The following TADA2B variants were observed in gnomAD, a reference collection of about 807,000 sequenced individuals.
TADA2B encodes the protein transcriptional adapter 2-beta.
A neutral mutation model predicts 34.5 loss-of-function variants in TADA2B; 13 were observed. That is an observed-to-expected ratio of 0.38 (90% confidence interval 0.25 to 0.60). TADA2B has a LOEUF of 0.60. TADA2B is among the 20% of genes least tolerant of loss of function. The probability of loss-of-function intolerance (pLI) is 0.65; values close to 1 mark genes in which losing one functional copy is unlikely to be tolerated. For synonymous variants in TADA2B, 240 were observed against 243.4 expected (o/e 0.99, Z 0.13); for missense variants, 442 against 575.0 (o/e 0.77, Z 2.37).
At chr4:7,048,397 C>T (rs1338404975) in intron 1 of TADA2B, among the ~76,000 whole-genome samples, 1 of 152,098 alleles carries the variant, frequency 6.6e-6, no homozygotes, top group Non-Finnish European at 1.5e-5. Context: ...ACCTGAGTCA[C>T]CCCCACCTCC....
intron 1 of TADA2B, among the ~76,000 whole-genome samples, chr4:7,050,698 C>T (rs1184350586): frequency 1.3e-5 from 2 of 152,224 alleles, no homozygotes; most frequent in Admixed American, 6.5e-5. Context: ...CAAAGGCCTG[C>T]GTTCACTGCA....
Position 7,043,774 on chromosome 4 carries a change from G to C in TADA2B, c.195G>C (p.Glu65Asp). 1.3e-6 allele frequency: 2 copies of C among 1,572,398 alleles called. No individual in the cohort carries two copies. Among genetic ancestry groups the C allele is most frequent in the African/African-American group, 1.4e-5 (1 of 73,320 alleles). Residue 65 changes from glutamate to aspartate, a missense_variant, in exon 1 of 2, where the codon GAG (glutamate) becomes GAC (aspartate). By Grantham distance (45) the Glu-to-Asp change is conservative. This residue lies in a region of TADA2B where 102 missense variants were observed against 177.2 expected (regional missense o/e 0.58). Coordinates refer to ENST00000310074, the MANE Select transcript of TADA2B (RefSeq NM_152293.3). ...DGGRFTLWGP[E>D]AEGGWTSREE... ...GGCGCTTCACGCTCTGGGGGCCCGA[G>C]GCCGAGGGCGGCTGGACCAGTCGCG...
At chr4:7,049,283 T>A (rs1229742649) in intron 1 of TADA2B, among the ~76,000 whole-genome samples, 1 of 152,206 alleles carries the variant, frequency 6.6e-6, no homozygotes, top group East Asian at 1.9e-4. Context: ...CTTGCCATGT[T>A]GTTCAGGCTG....
At chr4:7,051,552 T>C (rs996378170) in intron 1 of TADA2B, among the ~76,000 whole-genome samples, 5 of 152,010 alleles carry the variant, frequency 3.3e-5, no homozygotes, top group Non-Finnish European at 5.9e-5. Context: ...GAGGCTGACC[T>C]AGTGTTGCTA....
At chr4:7,043,945 C>G in intron 1 of TADA2B, 96 bp downstream of exon 1, 1 of 1,342,210 alleles carries the variant, frequency 7.5e-7, no homozygotes, top group Non-Finnish European at 9.6e-7. Flanking sequence ...GACCTGCTCG[C>G]TCGCTCCGCA....
In TADA2B at chr4:7,054,295, G is replaced by A. The variant is rs1280524468; in HGVS notation, c.504G>A (p.Pro168=). Residue 168 remains proline (P), a synonymous_variant, in exon 2 of 2, where the codon CCG becomes CCA. Coordinates refer to ENST00000310074, the MANE Select transcript of TADA2B (RefSeq NM_152293.3). ...AGCAGCAGCAGCTGGGCTACATGCC[G>A]CTGCGGGATGATTACGAGATCGAGT... The part of the protein sequence containing the change: ...VAEQQQLGYM[P]LRDDYEIEYD... 2.7e-5 allele frequency: 44 copies of A among 1,613,078 alleles called. No homozygotes were observed. The highest frequency in any genetic ancestry group is 1.6e-4 in the Middle Eastern group (1 of 6,084).
Position 7,055,118 on chromosome 4 carries a change from G to T in TADA2B, c.*64G>T. The T allele has an allele frequency of 1.4e-6, 2 of 1,476,380 alleles. No individual in the cohort carries two copies. The highest frequency in any genetic ancestry group is 2.7e-5 in the South Asian group (2 of 73,064). 91.5% of individuals were successfully genotyped at this position (1,476,380 alleles called of 1,614,324 possible). A position where few individuals can be genotyped will look rare whatever the true frequency, so the allele number is the denominator to read the frequency against. Reference sequence around the variant, plus strand: ...GTGTGCCAGCCAAAATGACTTGGGGGAGGGGAGCCGCTTCCCCACTGTTGC... The same window carrying T: ...GTGTGCCAGCCAAAATGACTTGGGGTAGGGGAGCCGCTTCCCCACTGTTGC... On this transcript the variant is annotated 3_prime_UTR_variant, in exon 2 of 2. Coordinates refer to ENST00000310074, the MANE Select transcript of TADA2B (RefSeq NM_152293.3).
rs761955767 is a variant in TADA2B at position 7,054,815 on chromosome 4, A to G, written c.1024A>G (p.Ile342Val). Residue 342 changes from isoleucine to valine, a missense_variant, in exon 2 of 2, where the codon ATT becomes GTT. By Grantham distance (29) the Ile-to-Val change is conservative (BLOSUM62 3). Around this residue, in one of 4 missense-constraint regions of TADA2B, gnomAD observed 114 missense variants for 144.7 expected, o/e 0.79. Transcript: ENST00000310074. The stretch of plus-strand genomic sequence containing the variant: ...CGGCAAAGACAGCGAGTTCGCCGCC[A>G]TTGAGAACCTTCCAGGCTTCGAGCT... ...EDGKDSEFAA[I>V]ENLPGFELLS... 2 of 1,613,924 alleles carry G rather than the reference A, an allele frequency of 1.2e-6. No homozygotes were observed. The highest frequency in any genetic ancestry group is 1.7e-6 in the Non-Finnish European group (2 of 1,179,880).
rs528058973 is a variant in TADA2B at position 7,055,086 on chromosome 4, TCAGA to T, written c.*36_*39del. The T allele has an allele frequency of 7.2e-5, 113 of 1,562,742 alleles. No homozygotes were observed. The East Asian group carries it at 8.4e-4, about 12-fold the overall frequency. ...GACGCTTTGAAAGCCAGGGTGATGC[TCAGA>T]CAGTGTGCCAGCCAAAATGACTTGG... On this transcript the variant is annotated 3_prime_UTR_variant, in exon 2 of 2. Transcript: ENST00000310074.
chr4:7,049,840 T>A (rs1167063521), intron 1 of TADA2B, among the ~76,000 whole-genome samples: 1 of 152,200 alleles, frequency 6.6e-6, no homozygotes, highest in Non-Finnish European at 1.5e-5. Context: ...CCGAGGGCTG[T>A]TGGCATCCCA....
Position 7,057,668 on chromosome 4 carries a change from T to A in TADA2B, c.*2614T>A, listed in dbSNP as rs1723925512. 2 of 152,132 alleles carry A rather than the reference T, an allele frequency of 1.3e-5. No homozygotes were observed. Among genetic ancestry groups the A allele is most frequent in the South Asian group, 2.1e-4 (1 of 4,826 alleles). 9.4% of individuals were successfully genotyped at this position (152,132 alleles called of 1,614,324 possible). A position where few individuals can be genotyped will look rare whatever the true frequency, so the allele number is the denominator to read the frequency against. On this transcript the variant is annotated 3_prime_UTR_variant, in exon 2 of 2. Transcript: ENST00000310074. Reference sequence around the variant, plus strand: ...TGGGTGTGGTGGTGCATGCCTGTAGTCCCAGCTACTTGGGAGGCTGAGGTA... The same window carrying A: ...TGGGTGTGGTGGTGCATGCCTGTAGACCCAGCTACTTGGGAGGCTGAGGTA...
In TADA2B at chr4:7,057,178, G is replaced by A. The variant is rs1723911318; in HGVS notation, c.*2124G>A. 2 of 152,284 alleles carry A rather than the reference G, an allele frequency of 1.3e-5. No individual in the cohort carries two copies. The highest frequency in any genetic ancestry group is 2.4e-5 in the African/African-American group (1 of 41,482). 9.4% of individuals were successfully genotyped at this position (152,284 alleles called of 1,614,324 possible). On this transcript the variant is annotated 3_prime_UTR_variant, in exon 2 of 2. Coordinates refer to ENST00000310074, the MANE Select transcript of TADA2B (RefSeq NM_152293.3). ...GAAGAAGCAGAAGATCCCTGTTAAT[G>A]TGTATGGCCCAGGCCAAGAGCTGTC...
intron 1 of TADA2B, among the ~76,000 whole-genome samples, chr4:7,051,747 G>A (rs1369932355): frequency 1.3e-5 from 2 of 152,034 alleles, no homozygotes; most frequent in East Asian, 1.9e-4. Context: ...ACAGGCGCCC[G>A]CCACCACGCC....
rs1409017000 is a variant in TADA2B, at chr4:7,057,748, C to CT, written c.*2695dup. On this transcript the variant is annotated 3_prime_UTR_variant, in exon 2 of 2. Coordinates refer to ENST00000310074, the MANE Select transcript of TADA2B (RefSeq NM_152293.3). ...GTTGCGGTGAGCTGAGATCACGCCA[C>CT]TACACTCCAGCCTGGTGACAGAGCA... is the stretch of plus-strand genomic sequence containing the variant. The CT allele has an allele frequency of 1.3e-5, 2 of 150,874 alleles. No homozygotes were observed. The highest frequency in any genetic ancestry group is 2.9e-5 in the Non-Finnish European group (2 of 67,920). The allele number at this position is 150,874 out of a possible 1,614,324, so 9.3% of individuals were successfully genotyped here. A position where few individuals can be genotyped will look rare whatever the true frequency, so the allele number is the denominator to read the frequency against.
Position 7,054,286 on chromosome 4 carries a change from C to T in TADA2B, c.495C>T (p.Gly165=). 1.2e-6 allele frequency: 2 copies of T among 1,613,106 alleles called. No individual in the cohort carries two copies. The highest frequency in any genetic ancestry group is 8.5e-7 in the Non-Finnish European group (1 of 1,179,766). The change falls in exon 2 of 2, where the codon GGC becomes GGT. Residue 165 remains glycine, a synonymous_variant. Coordinates refer to ENST00000310074, the MANE Select transcript of TADA2B (RefSeq NM_152293.3). The part of the protein sequence containing the change: ...DISVAEQQQL[G]YMPLRDDYEI... ...CTGTGGCTGAGCAGCAGCAGCTGGG[C>T]TACATGCCGCTGCGGGATGATTACG...
chr4:7,054,400 C>G lies in TADA2B; in HGVS notation c.609C>G (p.Arg203=). 6.2e-7 allele frequency: 1 copy of G among 1,613,628 alleles called. No individual in the cohort carries two copies. The highest frequency in any genetic ancestry group is 8.5e-7 in the Non-Finnish European group (1 of 1,179,906). Residue 203 remains arginine (R), a synonymous_variant, in exon 2 of 2, where the codon CGC becomes CGG. Coordinates refer to ENST00000310074, the MANE Select transcript of TADA2B (RefSeq NM_152293.3). Reference sequence around the variant, plus strand: ...ACGACGTGGAGATCGAGCTGAAGCGCGCCCACGTGGACATGTACGTGCGGA... The same window carrying G: ...ACGACGTGGAGATCGAGCTGAAGCGGGCCCACGTGGACATGTACGTGCGGA... ...DDDDVEIELK[R]AHVDMYVRKL...
intron 1 of TADA2B, among the ~76,000 whole-genome samples, chr4:7,051,021 C>T (rs956239748): frequency 9.9e-5 from 15 of 152,182 alleles, no homozygotes; most frequent in Non-Finnish European, 1.6e-4. Context: ...ACTCCTCCTC[C>T]GTGGGAAGCG....
chr4:7,045,328 C>T (rs753539151), intron 1 of TADA2B, among the ~76,000 whole-genome samples: 2 of 152,186 alleles, frequency 1.3e-5, no homozygotes, highest in Non-Finnish European at 2.9e-5. Flanking sequence ...GCCGTAGTCC[C>T]GGCTGATGTT....
intron 1 of TADA2B, among the ~76,000 whole-genome samples, chr4:7,049,291 C>A (rs1456932662): frequency 6.6e-6 from 1 of 152,136 alleles, no homozygotes; most frequent in Non-Finnish European, 1.5e-5. Flanking sequence ...GTTGTTCAGG[C>A]TGGTCATGAA....
Sources: allele counts gnomAD v4.1 joint callset (sites outside exome capture counted in the v4.1 genomes callset), GRCh38; gene constraint gnomAD v4.1.1; regional missense constraint gnomAD v4.1.1; transcripts MANE v1.5; gene names NCBI Gene and HGNC (gene_info 2026-07-23, HGNC 2026-07-21).